CUX2: variants seen among roughly 807,000 people sequenced by gnomAD.
The protein encoded by CUX2 is homeobox protein cut-like 2.
Under a neutral mutation model 144.8 loss-of-function variants are expected in CUX2, and 40 were observed. That is an observed-to-expected ratio of 0.28 (90% CI 0.21 to 0.36). CUX2 has a LOEUF of 0.36. Among genes scored for constraint, CUX2 ranks in the 10% least tolerant of loss-of-function variants. CUX2 has a pLI of 1.00. For synonymous variants in CUX2, 827 were observed against 875.6 expected, an observed-to-expected ratio of 0.94 and a Z score of 0.98; for missense variants, 1,615 against 1,994.0, an observed-to-expected ratio of 0.81 and a Z score of 3.62.
In CUX2 at chr12:111,293,706, A is replaced by C; in HGVS notation, c.560+137A>C. 2 of 1,291,642 alleles carry C rather than the reference A, an allele frequency of 1.5e-6. No homozygotes were observed. The highest frequency in any genetic ancestry group is 1.0e-6 in the Non-Finnish European group (1 of 954,162). The allele number at this position is 1,291,642 out of a possible 1,614,324, so 80.0% of individuals were successfully genotyped here. A position where few individuals can be genotyped will look rare whatever the true frequency, so the allele number is the denominator to read the frequency against. The stretch of plus-strand genomic sequence containing the variant: ...TGGAGACCGAGATGAGAAAGGGCCG[A>C]GGGCTTTGGACTCCAACCGGGTCTG... On this transcript the variant is annotated intron_variant, in intron 6 of 21. Coordinates refer to ENST00000261726, the MANE Select transcript of CUX2 (RefSeq NM_015267.4). The surrounding 1 kb of genome is among the most constrained non-coding windows in gnomAD (Gnocchi z 4.5).
chr12:111,045,223 T>C (rs1219549896), intron 1 of CUX2, among the ~76,000 whole-genome samples: 8 of 152,170 alleles, frequency 5.3e-5, no homozygotes, highest in Non-Finnish European at 4.4e-5. Context: ...TTTCCCACCA[T>C]GCGCAGGGAC....
chr12:111,174,975 G>T (rs554728419), intron 1 of CUX2, among the ~76,000 whole-genome samples: 2 of 152,318 alleles, frequency 1.3e-5, no homozygotes, highest in African/African-American at 4.8e-5. Context: ...GCTACAGCAT[G>T]AGGAAGAGGA....
intron 1 of CUX2, among the ~76,000 whole-genome samples, chr12:111,113,339 G>A (rs1300420286): frequency 6.6e-6 from 1 of 152,048 alleles, no homozygotes; most frequent in South Asian, 2.1e-4. Flanking sequence ...TTGTTTTTGT[G>A]TATATTCCAT....
chr12:111,162,917 G>C (rs764507195), intron 1 of CUX2, among the ~76,000 whole-genome samples: 1 of 152,032 alleles, frequency 6.6e-6, no homozygotes. Flanking sequence ...ATGATGGCAG[G>C]TGCCTGTAAT....
chr12:111,139,638 G>A (rs990399908), intron 1 of CUX2, among the ~76,000 whole-genome samples: 1 of 152,154 alleles, frequency 6.6e-6, no homozygotes, highest in Non-Finnish European at 1.5e-5. Flanking sequence ...GGAGGCCTTT[G>A]TATCATGAAC....
intron 1 of CUX2, among the ~76,000 whole-genome samples, chr12:111,111,673 G>T (rs1211069717): frequency 6.6e-6 from 1 of 152,104 alleles, no homozygotes; most frequent in Non-Finnish European, 1.5e-5. Context: ...TTGAACTTCT[G>T]CATTCCCAGG....
intron 3 of CUX2, among the ~76,000 whole-genome samples, chr12:111,225,794 G>A (rs1241432011): frequency 1.3e-5 from 2 of 152,202 alleles, no homozygotes; most frequent in Non-Finnish European, 2.9e-5. Flanking sequence ...TGCCAGGAAA[G>A]CCCGCCGCAT....
chr12:111,181,289 C>T (rs1180895200), intron 1 of CUX2, among the ~76,000 whole-genome samples: 1 of 152,196 alleles, frequency 6.6e-6, no homozygotes, highest in Non-Finnish European at 1.5e-5. Context: ...GCAGGAGGCC[C>T]CTCTCGGCTG....
chr12:111,106,740 A>C (rs1303058614), intron 1 of CUX2, among the ~76,000 whole-genome samples: 1 of 152,262 alleles, frequency 6.6e-6, no homozygotes, highest in Non-Finnish European at 1.5e-5. Flanking sequence ...AACATGTGAC[A>C]GAAAGGGGTG....
At position 111,172,131 on chromosome 12, in the gene CUX2, G is replaced by T. The variant is rs117311610; in HGVS notation, c.64-42069G>T. On this transcript the variant is annotated intron_variant, in intron 1 of 21. Transcript: ENST00000261726. ...CATATGCTTGTGTGTGTGTGTGCAT[G>T]TGCCTTTGTGTGTGCATGTGCCTCT... is the stretch of plus-strand genomic sequence containing the variant. Among the ~76,000 whole-genome samples the T allele has an allele frequency of 5.9e-3, 900 of 152,014 alleles. 33 individuals carry two copies. The highest frequency in any genetic ancestry group is 0.051 in the Admixed American group (784 of 15,280).
At position 111,263,859 on chromosome 12, in the gene CUX2, C is replaced by T. The variant is rs369906088; in HGVS notation, c.301+20C>T. 134 of 1,600,922 alleles carry T rather than the reference C, an allele frequency of 8.4e-5. No individual in the cohort carries two copies. Among genetic ancestry groups the T allele is most frequent in the Non-Finnish European group, 1.1e-4 (129 of 1,168,294 alleles). On this transcript the variant is annotated intron_variant, in intron 4 of 21. Transcript: ENST00000261726. The surrounding 1 kb of genome is among the most constrained non-coding windows in gnomAD (Gnocchi z 4.0). ...CACCAGGTAAGAAATGCTTGGGCTCCGTAATTGAATAGTTAACGACAATAA... is the reference window on the plus strand; with the variant it reads ...CACCAGGTAAGAAATGCTTGGGCTCTGTAATTGAATAGTTAACGACAATAA...
rs528695091 is a variant in CUX2, at chr12:111,105,556, T to C, written c.63+71316T>C. Among the ~76,000 whole-genome samples the C allele has an allele frequency of 7.2e-5, 11 of 152,308 alleles. No individual in the cohort carries two copies. In the East Asian group the frequency reaches 2.1e-3, roughly 29 times the overall value. ...GCTCTCCCTGCCTCTCCAGAGCCTATACTGCACACCCCCAGGGAGATGGGG... is the reference window on the plus strand; with the variant it reads ...GCTCTCCCTGCCTCTCCAGAGCCTACACTGCACACCCCCAGGGAGATGGGG... On this transcript the variant is annotated intron_variant, in intron 1 of 21. Transcript: ENST00000261726.
At chr12:111,299,079 G>A (rs1300696570) in intron 9 of CUX2, among the ~76,000 whole-genome samples, 5 of 152,356 alleles carry the variant, frequency 3.3e-5, no homozygotes, top group East Asian at 1.9e-4. Flanking sequence ...GCTCCAGCCC[G>A]GAGTCTTGAG....
chr12:111,156,130 A>G (rs1313155044), intron 1 of CUX2, among the ~76,000 whole-genome samples: 1 of 152,160 alleles, frequency 6.6e-6, no homozygotes, highest in Non-Finnish European at 1.5e-5. Flanking sequence ...TTCCAAATGA[A>G]TGTTTCTTTA....
chr12:111,270,543 G>A (rs1461428728), intron 4 of CUX2: 1 of 151,656 alleles, frequency 6.6e-6, no homozygotes, highest in African/African-American at 2.4e-5. Flanking sequence ...TCTGACTTCT[G>A]TATTGGTGAT....
chr12:111,157,632 C>G (rs145261929), intron 1 of CUX2, among the ~76,000 whole-genome samples: 218 of 152,250 alleles, frequency 1.4e-3, no homozygotes, highest in African/African-American at 5.0e-3. Context: ...GTCCAGTTGA[C>G]CAAATTCATC....
intron 3 of CUX2, among the ~76,000 whole-genome samples, chr12:111,260,479 G>A (rs1480014229): frequency 6.6e-6 from 1 of 151,234 alleles, no homozygotes; most frequent in East Asian, 1.9e-4. Context: ...AAAAAAAAAA[G>A]TATTGGGGTA....
At chr12:111,260,186 C>T (rs185729063) in intron 3 of CUX2, among the ~76,000 whole-genome samples, 14 of 148,970 alleles carry the variant, frequency 9.4e-5, no homozygotes, top group African/African-American at 2.2e-4. Context: ...TAATTATTGC[C>T]GGGCGCGGTG....
rs139813513 is a variant in CUX2, at chr12:111,112,823, G to T, written c.63+78583G>T. Among the ~76,000 whole-genome samples the T allele has an allele frequency of 3.2e-3, 481 of 152,266 alleles. 1 individual carries two copies. The highest frequency in any genetic ancestry group is 4.8e-3 in the Non-Finnish European group (327 of 68,026). ...TATATTATAACCCTTTTGGAATGTG[G>T]ACACCTTGATCCGAGGCATAACTTG... On this transcript the variant is annotated intron_variant, in intron 1 of 21. Transcript: ENST00000261726.
Sources: gnomAD v4.1 joint callset for allele counts (sites outside exome capture counted in the v4.1 genomes callset) on GRCh38, gnomAD v4.1.1 for gene constraint, Gnocchi (gnomAD v3.1) non-coding constraint, MANE v1.5 for transcripts, NCBI Gene and HGNC (gene_info 2026-07-23, HGNC 2026-07-21) for gene names.